LRP1B: variants seen among roughly 807,000 people sequenced by gnomAD.
LRP1B encodes low-density lipoprotein receptor-related protein 1B.
LRP1B carries 217 observed loss-of-function variants against 556.6 expected under a neutral mutation model. The observed-to-expected ratio is 0.39, with a 90% CI of 0.35 to 0.44. LRP1B has a LOEUF of 0.44. Among genes scored for constraint, LRP1B ranks in the 20% least tolerant of loss-of-function variants. The pLI is 1.00. For synonymous variants in LRP1B, 2,047 were observed against 1,865.8 expected, an observed-to-expected ratio of 1.10 and a Z score of -2.50; for missense variants, 5,053 against 5,620.8, an observed-to-expected ratio of 0.90 and a Z score of 3.23.
At chr2:142,101,458 A>T (rs1429860656) in intron 1 of LRP1B, among the ~76,000 whole-genome samples, 1 of 152,012 alleles carries the variant, frequency 6.6e-6, no homozygotes, top group Non-Finnish European at 1.5e-5. Flanking sequence ...CAAATGTTTG[A>T]CATATTTTGC....
At chr2:141,694,341 A>T (rs1691655471) in intron 2 of LRP1B, among the ~76,000 whole-genome samples, 7 of 152,058 alleles carry the variant, frequency 4.6e-5, no homozygotes, top group Admixed American at 3.3e-4. Context: ...CTGGCCTAAG[A>T]GAGTCCTCGG....
chr2:140,603,204 G>T (rs936005839), intron 41 of LRP1B, among the ~76,000 whole-genome samples: 1 of 151,980 alleles, frequency 6.6e-6, no homozygotes, highest in Non-Finnish European at 1.5e-5. Flanking sequence ...ATTAATGAGG[G>T]TGATTAGTAT....
At chr2:140,366,218 C>A (rs1682753595) in intron 71 of LRP1B, among the ~76,000 whole-genome samples, 1 of 151,660 alleles carries the variant, frequency 6.6e-6, no homozygotes, top group African/African-American at 2.4e-5. Flanking sequence ...TCTAGAGAAG[C>A]CACAGCTGAG....
At chr2:140,393,086 C>T (rs1343223274) in intron 66 of LRP1B, among the ~76,000 whole-genome samples, 3 of 151,922 alleles carry the variant, frequency 2.0e-5, no homozygotes, top group African/African-American at 7.3e-5. Flanking sequence ...CACCACCAAG[C>T]CTGGCTAATT....
chr2:140,511,684 A>G (rs1689669172), intron 51 of LRP1B, among the ~76,000 whole-genome samples: 2 of 65,950 alleles, frequency 3.0e-5, no homozygotes, highest in Non-Finnish European at 6.3e-5. Flanking sequence ...GTGGATGTTG[A>G]CAAATCCCCC....
chr2:141,071,549 A>T (rs1208324859), intron 7 of LRP1B, among the ~76,000 whole-genome samples: 4 of 152,174 alleles, frequency 2.6e-5, no homozygotes, highest in Admixed American at 1.3e-4. Context: ...AATTAGGGAA[A>T]GAGGAAGTCA....
chr2:140,277,351 T>G (rs994347080), intron 84 of LRP1B, among the ~76,000 whole-genome samples: 1 of 151,864 alleles, frequency 6.6e-6, no homozygotes, highest in Non-Finnish European at 1.5e-5. Context: ...TTTGGGAGGC[T>G]GAGGTGGGTG....
In LRP1B at chr2:141,955,006, T is replaced by A. The variant is rs534862960; in HGVS notation, c.83-144605A>T. Among the ~76,000 whole-genome samples the A allele has an allele frequency of 4.6e-4, 70 of 152,186 alleles. No homozygotes were observed. In the Middle Eastern group the frequency reaches 0.014, roughly 30 times the overall value. ...AATAAAGAAATACAATTTCTGTCCA[T>A]CAAGAGATGCTATAAGAACATAAAA... On this transcript the variant is annotated intron_variant, in intron 1 of 90. Transcript: ENST00000389484.
chr2:140,844,203 A>C (rs1325704206), intron 29 of LRP1B, among the ~76,000 whole-genome samples: 1 of 152,046 alleles, frequency 6.6e-6, no homozygotes, highest in African/African-American at 2.4e-5. Context: ...CTGGGATTAC[A>C]GGCATGCGCC....
At chr2:141,975,359 AGGGTGTC>A (rs2105083912) in intron 1 of LRP1B, among the ~76,000 whole-genome samples, 1 of 152,154 alleles carries the variant, frequency 6.6e-6, no homozygotes, top group African/African-American at 2.4e-5. Flanking sequence ...GATAATTCTG[AGGGTGTC>A]CTTATCTGTT....
intron 10 of LRP1B, 47 bp downstream of exon 10, chr2:141,055,069 A>G (rs565150878): frequency 2.6e-5 from 41 of 1,602,098 alleles, no homozygotes; most frequent in Non-Finnish European, 3.2e-5. Context: ...TTAAAATCCT[A>G]TTCTAAAGGG....
At chr2:141,740,167 T>C (rs1486303685) in intron 2 of LRP1B, among the ~76,000 whole-genome samples, 6 of 152,156 alleles carry the variant, frequency 3.9e-5, no homozygotes. Flanking sequence ...CTCTAGATCA[T>C]AGACGTGACA....
chr2:141,210,647 T>TA (rs1682502245), intron 6 of LRP1B, among the ~76,000 whole-genome samples: 1 of 152,150 alleles, frequency 6.6e-6, no homozygotes, highest in Admixed American at 6.5e-5. Flanking sequence ...AATTCCTACT[T>TA]AAAATATTAA....
chr2:141,285,033 C>T (rs1685652433), intron 3 of LRP1B, among the ~76,000 whole-genome samples: 1 of 151,842 alleles, frequency 6.6e-6, no homozygotes. Context: ...ACTAAATTCA[C>T]ATATTAGTTT....
At position 140,471,485 on chromosome 2, in the gene LRP1B, A is replaced by G. The variant is rs547261420; in HGVS notation, c.9625+3653T>C. On this transcript the variant is annotated intron_variant, in intron 60 of 90. Coordinates refer to ENST00000389484, the MANE Select transcript of LRP1B (RefSeq NM_018557.3). ...TCAAATATTGGAATTATTTTCCCCT[A>G]GCTAATTCAATAATAATATAAATCA... Among the ~76,000 whole-genome samples, 10 of 152,306 alleles carry G rather than the reference A, an allele frequency of 6.6e-5. No homozygotes were observed. In the South Asian group the frequency reaches 2.1e-3, roughly 32 times the overall value.
intron 43 of LRP1B, among the ~76,000 whole-genome samples, chr2:140,545,041 G>C (rs1680276020): frequency 1.3e-5 from 2 of 151,884 alleles, no homozygotes; most frequent in African/African-American, 4.8e-5. Context: ...TTTCTCTAAT[G>C]ATCAGTCATG....
chr2:140,569,998 A>T lies in LRP1B; in HGVS notation c.7195-28027T>A, dbSNP rs1253762893. ...CTTCTTCAAACAAACGAAAATAGAA[A>T]CAGAACATGTCAACACCTATGGGAT... On this transcript the variant is annotated intron_variant, in intron 43 of 90. Coordinates refer to ENST00000389484, the MANE Select transcript of LRP1B (RefSeq NM_018557.3). Among the ~76,000 whole-genome samples, 6 of 151,840 alleles carry T rather than the reference A, an allele frequency of 4.0e-5. No homozygotes were observed. The East Asian group carries it at 1.2e-3, about 29-fold the overall frequency.
chr2:140,700,182 C>T, intron 41 of LRP1B, 68 bp downstream of exon 41: 1 of 1,344,060 alleles, frequency 7.4e-7, no homozygotes, highest in Non-Finnish European at 1.0e-6. Flanking sequence ...GCAATTACCA[C>T]TATTATTTCT....
At chr2:140,654,567 A>G (rs1684808943) in intron 41 of LRP1B, among the ~76,000 whole-genome samples, 1 of 152,088 alleles carries the variant, frequency 6.6e-6, no homozygotes. Context: ...AAAATGCTGA[A>G]TATTAGTCTC....
Sources: gnomAD v4.1 joint callset for allele counts (sites outside exome capture counted in the v4.1 genomes callset) on GRCh38, gnomAD v4.1.1 for gene constraint, MANE v1.5 for transcripts, NCBI Gene and HGNC (gene_info 2026-07-23, HGNC 2026-07-21) for gene names.